Variants in TTC28 observed in about 807,000 individuals in gnomAD.
TTC28 encodes tetratricopeptide repeat protein 28.
In TTC28, 61 loss-of-function variants were observed where a neutral mutation model predicts 198.0. The observed-to-expected ratio is 0.31, with a 90% CI of 0.25 to 0.38. TTC28 has a LOEUF of 0.38. Among genes scored for constraint, TTC28 ranks in the 10% least tolerant of loss-of-function variants. The pLI, the probability that TTC28 is intolerant of heterozygous loss-of-function variation, is 1.00. For missense variants in TTC28, 2,678 were observed against 3,164.0 expected, an observed-to-expected ratio of 0.85 and a Z score of 3.69; for synonymous variants, 1,171 against 1,297.8, an observed-to-expected ratio of 0.90 and a Z score of 2.10.
chr22:28,415,041 C>T (rs1220814004), intron 2 of TTC28, among the ~76,000 whole-genome samples: 1 of 152,122 alleles, frequency 6.6e-6, no homozygotes, highest in Non-Finnish European at 1.5e-5. Context: ...CAGGTTCTTA[C>T]CATCTAGCTC....
intron 5 of TTC28, among the ~76,000 whole-genome samples, chr22:28,191,447 T>C (rs1924738240): frequency 6.6e-6 from 1 of 152,062 alleles, no homozygotes; most frequent in African/African-American, 2.4e-5. Flanking sequence ...TGGGTGCAGG[T>C]CAGTGGGTGC....
At chr22:28,431,452 G>A (rs2047428227) in intron 2 of TTC28, among the ~76,000 whole-genome samples, 1 of 152,030 alleles carries the variant, frequency 6.6e-6, no homozygotes, top group South Asian at 2.1e-4. Context: ...CTCATCCATG[G>A]TAAGATTATA....
At chr22:28,442,090 C>CAGA (rs1264996740) in intron 2 of TTC28, among the ~76,000 whole-genome samples, 2 of 151,982 alleles carry the variant, frequency 1.3e-5, no homozygotes, top group Non-Finnish European at 2.9e-5. Context: ...GGACCAATAG[C>CAGA]AATTTATTTT....
intron 2 of TTC28, among the ~76,000 whole-genome samples, chr22:28,390,412 C>A (rs1309332685): frequency 1.3e-5 from 2 of 152,010 alleles, no homozygotes; most frequent in African/African-American, 4.8e-5. Flanking sequence ...GACTTTCTGT[C>A]TCGTTGATCT....
intron 5 of TTC28, among the ~76,000 whole-genome samples, chr22:28,220,125 C>A (rs1038100160): frequency 3.9e-5 from 6 of 152,122 alleles, no homozygotes; most frequent in Non-Finnish European, 5.9e-5. Flanking sequence ...AGCAATTTCC[C>A]ATTTCCTTAG....
intron 6 of TTC28, among the ~76,000 whole-genome samples, chr22:28,131,631 TCTAAGTCAAGTCATC>T: frequency 6.6e-6 from 1 of 152,218 alleles, no homozygotes; most frequent in Non-Finnish European, 1.5e-5. Context: ...AGTCGAAAAA[TCTAAGTCAAGTCATC>T]CTAAGTCAGG....
intron 2 of TTC28, among the ~76,000 whole-genome samples, chr22:28,397,690 A>G (rs1433698193): frequency 6.6e-6 from 1 of 152,230 alleles, no homozygotes; most frequent in East Asian, 1.9e-4. Context: ...CTAGTATTAG[A>G]AAATGTGCCA....
chr22:28,230,588 A>C (rs916625263), intron 5 of TTC28, among the ~76,000 whole-genome samples: 1 of 152,226 alleles, frequency 6.6e-6, no homozygotes, highest in Non-Finnish European at 1.5e-5. Flanking sequence ...ATGCCATGCC[A>C]GATTCATCCA....
At chr22:28,176,973 T>A (rs1423295367) in intron 5 of TTC28, among the ~76,000 whole-genome samples, 1 of 152,144 alleles carries the variant, frequency 6.6e-6, no homozygotes, top group African/African-American at 2.4e-5. Context: ...AAAATCTACA[T>A]GACCTTTATA....
intron 1 of TTC28, among the ~76,000 whole-genome samples, chr22:28,641,453 T>C (rs2051364468): frequency 6.6e-6 from 1 of 152,134 alleles, no homozygotes; most frequent in South Asian, 2.1e-4. Context: ...TAAATCTCCA[T>C]AGTAGACAAA....
At chr22:28,075,069 C>G (rs574488700) in intron 12 of TTC28, among the ~76,000 whole-genome samples, 9 of 151,938 alleles carry the variant, frequency 5.9e-5, no homozygotes, top group Non-Finnish European at 1.0e-4. Context: ...GCCTGGATAA[C>G]AGAGAGAGAT....
intron 12 of TTC28, among the ~76,000 whole-genome samples, chr22:28,037,004 C>T (rs922385367): frequency 2.6e-5 from 4 of 151,230 alleles, no homozygotes; most frequent in Middle Eastern, 3.2e-3. Context: ...CCAATAGGCT[C>T]TGAAATTGAG....
intron 2 of TTC28, among the ~76,000 whole-genome samples, chr22:28,502,786 G>A (rs2048555284): frequency 1.3e-5 from 2 of 151,974 alleles, no homozygotes; most frequent in Non-Finnish European, 2.9e-5. Flanking sequence ...TCACAAAAGT[G>A]AGAGGAAAGG....
At chr22:28,390,805 A>G (rs2046705568) in intron 2 of TTC28, among the ~76,000 whole-genome samples, 1 of 152,132 alleles carries the variant, frequency 6.6e-6, no homozygotes, top group African/African-American at 2.4e-5. Context: ...CCAATTTGCC[A>G]GTCTGTGTCT....
intron 12 of TTC28, among the ~76,000 whole-genome samples, chr22:28,080,799 T>G (rs980284433): frequency 1.3e-5 from 2 of 152,184 alleles, no homozygotes; most frequent in Non-Finnish European, 1.5e-5. Flanking sequence ...TGTTTTCCTT[T>G]AGGAGTTTTA....
chr22:28,083,980 G>A (rs1003847768), intron 12 of TTC28, among the ~76,000 whole-genome samples: 2 of 152,268 alleles, frequency 1.3e-5, no homozygotes, highest in Non-Finnish European at 2.9e-5. Context: ...GCCTGCCATT[G>A]CTCAGGCTTG....
intron 2 of TTC28, among the ~76,000 whole-genome samples, chr22:28,418,708 T>C (rs2047202431): frequency 6.6e-6 from 1 of 152,224 alleles, no homozygotes; most frequent in African/African-American, 2.4e-5. Context: ...TATATTTTTA[T>C]CTATTTAACA....
At chr22:27,995,650 A>G (rs577838729) in intron 17 of TTC28, among the ~76,000 whole-genome samples, 1 of 152,150 alleles carries the variant, frequency 6.6e-6, no homozygotes, top group East Asian at 1.9e-4. Flanking sequence ...AAGTACTCAC[A>G]TTTTCTCAAA....
At position 28,096,251 on chromosome 22, in the gene TTC28, T is replaced by C. The variant is rs1167156166; in HGVS notation, c.3705A>G (p.Leu1235=). 6.4e-7 allele frequency: 1 copy of C among 1,551,666 alleles called. No homozygotes were observed. Among genetic ancestry groups the C allele is most frequent in the Non-Finnish European group, 8.7e-7 (1 of 1,146,960 alleles). ...ILEMVNGQRG[L]VLYYSLAAGY... ...CTGCAGCCAGGGAATAGTAAAGCAC[T>C]AGTCCCCTCTGGCCATTTACCATCT... The change falls in exon 11 of 23, where the codon CTA becomes CTG. Residue 1235 remains leucine (L), a synonymous_variant. Transcript: ENST00000397906.
Sources: allele counts gnomAD v4.1 joint callset (sites outside exome capture counted in the v4.1 genomes callset), GRCh38; gene constraint gnomAD v4.1.1; transcripts MANE v1.5; gene names NCBI Gene and HGNC (gene_info 2026-07-23, HGNC 2026-07-21).